TMEM132B: variants seen among roughly 807,000 people sequenced by gnomAD.
TMEM132B encodes the protein transmembrane protein 132B.
In TMEM132B, 18 loss-of-function variants were observed where a neutral mutation model predicts 90.8. That is an observed-to-expected ratio of 0.20 (90% confidence interval 0.14 to 0.29). The LOEUF (loss-of-function observed/expected upper bound fraction) is 0.29. TMEM132B is among the 10% of genes least tolerant of loss of function. The pLI is 1.00. For synonymous variants in TMEM132B, 504 were observed against 523.3 expected (o/e 0.96, Z 0.50); for missense variants, 1,096 against 1,326.8 (o/e 0.83, Z 2.70).
At chr12:125,404,819 G>GTATCCTCCAACACT (rs1879419384) in intron 2 of TMEM132B, among the ~76,000 whole-genome samples, 2 of 152,180 alleles carry the variant, frequency 1.3e-5, no homozygotes, top group Non-Finnish European at 2.9e-5. Context: ...CTGCTAGGGA[G>GTATCCTCCAACACT]GGAGGAATGC....
chr12:125,569,765 C>A (rs1315067469), intron 4 of TMEM132B, among the ~76,000 whole-genome samples: 1 of 152,132 alleles, frequency 6.6e-6, no homozygotes, highest in Non-Finnish European at 1.5e-5. Context: ...CCAACCCCCC[C>A]ATCTCTCTGC....
intron 1 of TMEM132B, among the ~76,000 whole-genome samples, chr12:125,273,433 A>G (rs1451581941): frequency 2.0e-5 from 3 of 152,092 alleles, no homozygotes; most frequent in Non-Finnish European, 4.4e-5. Context: ...CAAAAAATAC[A>G]AAAATTAGCT....
At chr12:125,247,301 T>C (rs193295606) in intron 1 of TMEM132B, among the ~76,000 whole-genome samples, 1 of 152,210 alleles carries the variant, frequency 6.6e-6, no homozygotes, top group African/African-American at 2.4e-5. Flanking sequence ...TGCTTTTAGT[T>C]TGATGGCAAC....
At chr12:125,409,042 A>G (rs1879603630) in intron 2 of TMEM132B, among the ~76,000 whole-genome samples, 1 of 152,234 alleles carries the variant, frequency 6.6e-6, no homozygotes, top group Admixed American at 6.5e-5. Flanking sequence ...CCTGGAGTGC[A>G]TCAACCCTGT....
intron 1 of TMEM132B, among the ~76,000 whole-genome samples, chr12:125,220,371 C>T (rs943252208): frequency 3.9e-5 from 6 of 152,186 alleles, no homozygotes; most frequent in East Asian, 3.8e-4. Context: ...CCTGGAGACA[C>T]GTAACAAAGT....
rs1887134668 is a variant in TMEM132B, at chr12:125,658,726, T to C, written c.*4016T>C. 1 of 152,158 alleles carries C rather than the reference T, an allele frequency of 6.6e-6. No individual in the cohort carries two copies. The highest frequency in any genetic ancestry group is 2.4e-5 in the African/African-American group (1 of 41,436). The allele number at this position is 152,158 out of a possible 1,614,324, so 9.4% of individuals were successfully genotyped here. A position where few individuals can be genotyped will look rare whatever the true frequency, so the allele number is the denominator to read the frequency against. ...TTTTTTAAAGTGAAAGCATGCAAAA[T>C]CGTAGCTTTTAAATGTACAGACATC... On this transcript the variant is annotated 3_prime_UTR_variant, in exon 9 of 9. Transcript: ENST00000682704.
intron 2 of TMEM132B, among the ~76,000 whole-genome samples, chr12:125,403,807 G>A (rs1473511880): frequency 1.3e-5 from 2 of 152,140 alleles, no homozygotes; most frequent in Non-Finnish European, 2.9e-5. Flanking sequence ...TGATTAGGAG[G>A]GGGTTAACTT....
chr12:125,299,188 C>T (rs532719331), intron 1 of TMEM132B, among the ~76,000 whole-genome samples: 29 of 152,268 alleles, frequency 1.9e-4, no homozygotes, highest in South Asian at 4.1e-4. Flanking sequence ...CTCTTGAACC[C>T]GCTTTTATGA....
chr12:125,383,406 T>C (rs1878739665), intron 2 of TMEM132B, among the ~76,000 whole-genome samples: 1 of 152,244 alleles, frequency 6.6e-6, no homozygotes, highest in Admixed American at 6.5e-5. Flanking sequence ...CTCACTAAGG[T>C]GGAAAATCAA....
intron 1 of TMEM132B, among the ~76,000 whole-genome samples, chr12:125,309,299 C>T (rs952085488): frequency 6.6e-6 from 1 of 152,200 alleles, no homozygotes; most frequent in African/African-American, 2.4e-5. Flanking sequence ...ATCTGCCTTC[C>T]TCTACCTGCC....
chr12:125,586,996 G>A (rs1465549798), intron 5 of TMEM132B: 1 of 152,178 alleles, frequency 6.6e-6, no homozygotes, highest in South Asian at 2.1e-4. Flanking sequence ...AGGCCACAGT[G>A]TGTGATAAAT....
At chr12:125,550,854 C>CTGCAAGATCTGCAG (rs1884211350) in intron 4 of TMEM132B, among the ~76,000 whole-genome samples, 1 of 149,142 alleles carries the variant, frequency 6.7e-6, no homozygotes. Context: ...TCTTGGCTCA[C>CTGCAAGATCTGCAG]TGCAAGATCT....
intron 1 of TMEM132B, among the ~76,000 whole-genome samples, chr12:125,290,138 G>A (rs1365173819): frequency 2.6e-5 from 4 of 152,140 alleles, no homozygotes; most frequent in Non-Finnish European, 4.4e-5. Context: ...AATGAAAGCC[G>A]TCCGTGAATC....
intron 2 of TMEM132B, among the ~76,000 whole-genome samples, chr12:125,361,544 G>A (rs573888981): frequency 2.6e-5 from 4 of 152,188 alleles, no homozygotes; most frequent in South Asian, 4.1e-4. Context: ...CTTGAGGAAA[G>A]TGTGCAGAGA....
At chr12:125,260,037 A>T (rs1874525901) in intron 1 of TMEM132B, among the ~76,000 whole-genome samples, 1 of 152,190 alleles carries the variant, frequency 6.6e-6, no homozygotes, top group South Asian at 2.1e-4. Context: ...GAGCCCATGG[A>T]TGCAAGCTAA....
chr12:125,479,076 C>A lies in TMEM132B; in HGVS notation c.1107-40363C>A, dbSNP rs1881970320. 3.9e-5 allele frequency among the ~76,000 whole-genome samples: 6 copies of A among 152,138 alleles called. No individual in the cohort carries two copies. In the South Asian group the frequency reaches 1.2e-3, roughly 32 times the overall value. ...AAACAAATGCTGAGAGATTTTGTCA[C>A]CACCAGGCCTGCTTTACAAGAGCTC... On this transcript the variant is annotated intron_variant, in intron 3 of 8. Coordinates refer to ENST00000682704, the MANE Select transcript of TMEM132B (RefSeq NM_001366854.1).
intron 3 of TMEM132B, among the ~76,000 whole-genome samples, chr12:125,436,161 G>A (rs1394702068): frequency 3.9e-5 from 6 of 152,166 alleles, no homozygotes; most frequent in Non-Finnish European, 8.8e-5. Context: ...GAGTCCAACT[G>A]TCTGAACTGC....
At position 125,653,878 on chromosome 12, in the gene TMEM132B, A is replaced by T; in HGVS notation, c.2420A>T (p.Asp807Val). Reference protein sequence around the residue: ...SSDEHQGGSNDIEGINREYKD... With the variant: ...SSDEHQGGSNVIEGINREYKD... The stretch of plus-strand genomic sequence containing the variant: ...GATGAGCACCAAGGAGGCAGCAATG[A>T]TATTGAGGGCATAAATCGGGAATAT... The change falls in exon 9 of 9, where the codon GAT becomes GTT. Residue 807 changes from aspartate (D) to valine (V), a missense_variant. Asp to Val is a radical substitution (Grantham distance 152). Coordinates refer to ENST00000682704, the MANE Select transcript of TMEM132B (RefSeq NM_001366854.1). 1.2e-6 allele frequency: 2 copies of T among 1,614,190 alleles called. No individual in the cohort carries two copies. The highest frequency in any genetic ancestry group is 1.7e-6 in the Non-Finnish European group (2 of 1,180,046).
At chr12:125,306,177 A>G (rs569223985) in intron 1 of TMEM132B, among the ~76,000 whole-genome samples, 51 of 152,208 alleles carry the variant, frequency 3.4e-4, no homozygotes, top group Admixed American at 2.9e-3. Flanking sequence ...AAGTTGGCAG[A>G]TTGTCTAATT....
Sources: gnomAD v4.1 joint callset for allele counts (sites outside exome capture counted in the v4.1 genomes callset) on GRCh38, gnomAD v4.1.1 for gene constraint, MANE v1.5 for transcripts, NCBI Gene and HGNC (gene_info 2026-07-23, HGNC 2026-07-21) for gene names.